The following SLCO5A1 variants were observed in gnomAD, a reference collection of about 807,000 sequenced individuals.
SLCO5A1 encodes the protein solute carrier organic anion transporter family member 5A1.
SLCO5A1 carries 39 observed loss-of-function variants against 65.1 expected under a neutral mutation model. The observed-to-expected ratio is 0.60, with a 90% CI of 0.46 to 0.78. The LOEUF (loss-of-function observed/expected upper bound fraction) is 0.78, where lower values mean the gene tolerates loss of function less well. Among genes scored for constraint, SLCO5A1 ranks in the 30% least tolerant of loss-of-function variants. The pLI is 0.00. For synonymous variants in SLCO5A1, 438 were observed against 415.7 expected (o/e 1.05, Z -0.65); for missense variants, 1,029 against 1,069.4 (o/e 0.96, Z 0.53).
chr8:69,676,519 A>G (rs930574625), intron 9 of SLCO5A1, 90 bp downstream of exon 9: 3 of 1,084,932 alleles, frequency 2.8e-6, no homozygotes, highest in East Asian at 2.5e-5. Context: ...ATGGTAATAA[A>G]TGACATGACT....
chr8:69,832,762 A>C lies in SLCO5A1; in HGVS notation c.-89T>G. 6.9e-7 allele frequency: 1 copy of C among 1,451,174 alleles called. No homozygotes were observed. The highest frequency in any genetic ancestry group is 9.2e-7 in the Non-Finnish European group (1 of 1,092,298). 89.9% of individuals were successfully genotyped at this position (1,451,174 alleles called of 1,614,324 possible). On this transcript the variant is annotated 5_prime_UTR_variant, in exon 2 of 10. Coordinates refer to ENST00000260126, the MANE Select transcript of SLCO5A1 (RefSeq NM_030958.3). This position sits in a 1 kb window ranked among gnomAD's most constrained non-coding sequence, Gnocchi z 4.5. The stretch of plus-strand genomic sequence containing the variant: ...GGCACGAGGGGCCGAAGCCGGGCCC[A>C]GTCAGTCTTGCCCACCTGGGACTGG...
chr8:69,740,121 T>G (rs1816734314), intron 4 of SLCO5A1, among the ~76,000 whole-genome samples: 3 of 152,184 alleles, frequency 2.0e-5, no homozygotes, highest in African/African-American at 7.2e-5. Context: ...CTTCTTTTAT[T>G]AAAAAAGTCT....
intron 2 of SLCO5A1, among the ~76,000 whole-genome samples, chr8:69,807,668 T>C (rs1054583944): frequency 7.2e-5 from 11 of 152,216 alleles, no homozygotes; most frequent in African/African-American, 2.7e-4. Context: ...GGTTCATCCG[T>C]GTTGTCGCAA....
intron 2 of SLCO5A1, among the ~76,000 whole-genome samples, chr8:69,788,099 G>GA (rs952297915): frequency 2.6e-5 from 4 of 151,878 alleles, no homozygotes; most frequent in Non-Finnish European, 4.4e-5. Flanking sequence ...AGATTTAAAA[G>GA]AAAAAAATCA....
At chr8:69,791,652 G>T (rs190577007) in intron 2 of SLCO5A1, among the ~76,000 whole-genome samples, 33 of 152,302 alleles carry the variant, frequency 2.2e-4, no homozygotes, top group African/African-American at 7.7e-4. Flanking sequence ...TCATGGAGAC[G>T]ACTGAGAAAT....
rs527960121 is a variant in SLCO5A1, at chr8:69,723,410, C to A, written c.1423+14630G>T. Among the ~76,000 whole-genome samples, 14 of 152,074 alleles carry A rather than the reference C, an allele frequency of 9.2e-5. No individual in the cohort carries two copies. The East Asian group carries it at 2.7e-3, about 30-fold the overall frequency. On this transcript the variant is annotated intron_variant, in intron 5 of 9. Transcript: ENST00000260126. ...GGGACCACAGGCACAAGCCACCATGCCCACCTAATTTTTTTTTTTATTTTT... is the reference window on the plus strand; with the variant it reads ...GGGACCACAGGCACAAGCCACCATGACCACCTAATTTTTTTTTTTATTTTT...
intron 6 of SLCO5A1, among the ~76,000 whole-genome samples, chr8:69,691,340 G>A (rs992796651): frequency 2.0e-5 from 3 of 152,058 alleles, no homozygotes; most frequent in East Asian, 3.8e-4. Flanking sequence ...TTTATTTTAC[G>A]GTGGTTAGAA....
intron 5 of SLCO5A1, among the ~76,000 whole-genome samples, chr8:69,736,445 C>T (rs1816561689): frequency 1.3e-5 from 2 of 152,204 alleles, no homozygotes; most frequent in African/African-American, 4.8e-5. Context: ...CCCACTAACC[C>T]TGGGGTGAAA....
intron 6 of SLCO5A1, among the ~76,000 whole-genome samples, chr8:69,703,378 T>C (rs1223648763): frequency 6.6e-6 from 1 of 152,128 alleles, no homozygotes; most frequent in Non-Finnish European, 1.5e-5. Flanking sequence ...ATTGCAGCAT[T>C]GCTTTTAACA....
chr8:69,755,595 A>C lies in SLCO5A1; in HGVS notation c.1087T>G (p.Phe363Val). 1.2e-6 allele frequency: 2 copies of C among 1,614,008 alleles called. No homozygotes were observed. The highest frequency in any genetic ancestry group is 1.7e-6 in the Non-Finnish European group (2 of 1,179,978). Residue 363 changes from phenylalanine to valine, a missense_variant, in exon 4 of 10, where the codon TTC becomes GTC. Physicochemically the swap from Phe to Val is conservative, Grantham distance 50 (BLOSUM62 -1). Around this residue, in one of 3 missense-constraint regions of SLCO5A1, gnomAD observed 647 missense variants for 647.5 expected, o/e 1.00. Coordinates refer to ENST00000260126, the MANE Select transcript of SLCO5A1 (RefSeq NM_030958.3). ...TTTTTTGGGAAAGTAAACATTGGGA[A>C]TATCACAAGAAACATTGCAATGGCA... ...LCAIAMFLVI[F>V]PMFTFPKKLP...
chr8:69,702,315 C>T (rs1171093727), intron 6 of SLCO5A1, among the ~76,000 whole-genome samples: 2 of 152,190 alleles, frequency 1.3e-5, no homozygotes, highest in African/African-American at 4.8e-5. Context: ...TAACATCACC[C>T]CAATTTACAG....
chr8:69,803,984 C>T (rs1027227115), intron 2 of SLCO5A1, among the ~76,000 whole-genome samples: 1 of 152,110 alleles, frequency 6.6e-6, no homozygotes, highest in Non-Finnish European at 1.5e-5. Flanking sequence ...CCCTTCCTCA[C>T]CTCACCACTG....
chr8:69,723,480 G>C (rs1321832666), intron 5 of SLCO5A1, among the ~76,000 whole-genome samples: 3 of 151,560 alleles, frequency 2.0e-5, no homozygotes, highest in Non-Finnish European at 4.4e-5. Flanking sequence ...CAAACTCCTG[G>C]GCTCAAGCCA....
At chr8:69,806,142 C>A (rs1210439146) in intron 2 of SLCO5A1, among the ~76,000 whole-genome samples, 1 of 152,220 alleles carries the variant, frequency 6.6e-6, no homozygotes, top group African/African-American at 2.4e-5. Context: ...GATGTTCACA[C>A]ATGTGTAAAC....
chr8:69,740,347 GA>G (rs1409762826), intron 4 of SLCO5A1, among the ~76,000 whole-genome samples: 5 of 152,122 alleles, frequency 3.3e-5, no homozygotes, highest in African/African-American at 1.2e-4. Flanking sequence ...TAAATACATT[GA>G]AAATAATGGA....
At chr8:69,718,753 T>C (rs916702055) in intron 5 of SLCO5A1, among the ~76,000 whole-genome samples, 15 of 152,186 alleles carry the variant, frequency 9.9e-5, no homozygotes, top group Non-Finnish European at 7.3e-5. Context: ...TCTGGAGACA[T>C]GTAGGGAATA....
chr8:69,795,911 A>G (rs1264991139), intron 2 of SLCO5A1, among the ~76,000 whole-genome samples: 1 of 152,252 alleles, frequency 6.6e-6, no homozygotes. Flanking sequence ...CAGGGTTAAC[A>G]CTGCATGGAA....
intron 2 of SLCO5A1, among the ~76,000 whole-genome samples, chr8:69,828,275 T>TA (rs1563379835): frequency 6.5e-4 from 60 of 92,848 alleles, no homozygotes; most frequent in Admixed American, 1.7e-3. Flanking sequence ...TTTTTTTTTT[T>TA]TAAAAAAAAA....
At chr8:69,823,452 CAA>C (rs924257241) in intron 2 of SLCO5A1, among the ~76,000 whole-genome samples, 2 of 151,556 alleles carry the variant, frequency 1.3e-5, no homozygotes, top group Non-Finnish European at 2.9e-5. Flanking sequence ...AAATGGAAAA[CAA>C]AAAAAGGCAG....
Sources: allele counts gnomAD v4.1 joint callset (sites outside exome capture counted in the v4.1 genomes callset), GRCh38; gene constraint gnomAD v4.1.1; regional missense constraint gnomAD v4.1.1; non-coding constraint Gnocchi (gnomAD v3.1); transcripts MANE v1.5; gene names NCBI Gene and HGNC (gene_info 2026-07-23, HGNC 2026-07-21).